ASAP1: variants seen among roughly 807,000 people sequenced by gnomAD.
The protein encoded by ASAP1 is arf-GAP with SH3 domain, ANK repeat and PH domain-containing protein 1.
A neutral mutation model predicts 145.2 loss-of-function variants in ASAP1; 43 were observed. That is an observed-to-expected ratio of 0.30 (90% confidence interval 0.23 to 0.38). ASAP1 has a LOEUF of 0.38. ASAP1 is among the 10% of genes least tolerant of loss of function. ASAP1 has a pLI of 1.00. For missense variants in ASAP1, 1,018 were observed against 1,355.3 expected (o/e 0.75, Z 3.91); for synonymous variants, 546 against 515.5 (o/e 1.06, Z -0.80).
At chr8:130,123,800 A>T (rs12550365) in intron 18 of ASAP1, among the ~76,000 whole-genome samples, 87,776 of 151,136 alleles carry the variant, frequency 0.58, 25,646 homozygotes, top group South Asian at 0.69. Context: ...GCTAATTTTT[A>T]AAAAATTTTT....
chr8:130,252,824 C>T lies in ASAP1; in HGVS notation c.187-15830G>A, dbSNP rs548375901. Among the ~76,000 whole-genome samples, 3 of 152,296 alleles carry T rather than the reference C, an allele frequency of 2.0e-5. No individual in the cohort carries two copies. The East Asian group carries it at 5.8e-4, about 29-fold the overall frequency. ...CAAAAAAATACTCATGAAAACACCA[C>T]TTCCATGTTACAACACAGTGAGAGT... On this transcript the variant is annotated intron_variant, in intron 3 of 29. Coordinates refer to ENST00000518721, the MANE Select transcript of ASAP1 (RefSeq NM_018482.4).
intron 2 of ASAP1, among the ~76,000 whole-genome samples, chr8:130,399,067 G>T (rs1828661188): frequency 2.0e-5 from 3 of 152,200 alleles, no homozygotes; most frequent in African/African-American, 7.2e-5. Context: ...AACAGGAGGT[G>T]CAACTTCCAG....
At chr8:130,286,516 ATTCCTGAG>A (rs1821623568) in intron 3 of ASAP1, among the ~76,000 whole-genome samples, 1 of 152,192 alleles carries the variant, frequency 6.6e-6, no homozygotes, top group Non-Finnish European at 1.5e-5. Context: ...GAAGGCCAGA[ATTCCTGAG>A]TTTCTAATCC....
intron 3 of ASAP1, among the ~76,000 whole-genome samples, chr8:130,276,724 ACACACT>A (rs1479914265): frequency 3.5e-3 from 355 of 102,514 alleles, no homozygotes; most frequent in African/African-American, 9.4e-3. Flanking sequence ...ACACACACAC[ACACACT>A]CTCTCTCTCT....
chr8:130,340,436 G>A (rs557158276), intron 3 of ASAP1, among the ~76,000 whole-genome samples: 3 of 152,304 alleles, frequency 2.0e-5, no homozygotes, highest in African/African-American at 7.2e-5. Flanking sequence ...GTTGGGTGTG[G>A]AACAAATCAC....
chr8:130,374,909 C>T (rs2138327495), intron 2 of ASAP1, among the ~76,000 whole-genome samples: 1 of 152,320 alleles, frequency 6.6e-6, no homozygotes, highest in South Asian at 2.1e-4. Flanking sequence ...TCCAAGACTA[C>T]CTCCAAGGTA....
chr8:130,422,484 A>G (rs1464712128), intron 1 of ASAP1, among the ~76,000 whole-genome samples: 1 of 152,102 alleles, frequency 6.6e-6, no homozygotes, highest in Admixed American at 6.6e-5. Context: ...CTTGTCTCTT[A>G]CACAGTGTAC....
intron 5 of ASAP1, among the ~76,000 whole-genome samples, chr8:130,207,937 G>C (rs777743892): frequency 2.0e-5 from 3 of 152,192 alleles, no homozygotes; most frequent in Non-Finnish European, 4.4e-5. Flanking sequence ...CTGCAGATCA[G>C]TTGGCTCAAA....
chr8:130,416,179 T>G (rs985884428), intron 1 of ASAP1, among the ~76,000 whole-genome samples: 4 of 152,130 alleles, frequency 2.6e-5, no homozygotes, highest in African/African-American at 9.7e-5. Flanking sequence ...GCCCCACTAG[T>G]GTCGCCAACT....
chr8:130,150,996 G>T (rs573024087), intron 13 of ASAP1, among the ~76,000 whole-genome samples: 35 of 152,140 alleles, frequency 2.3e-4, no homozygotes, highest in Non-Finnish European at 4.1e-4. Context: ...TTAAATATAA[G>T]AAAATAAAAA....
intron 3 of ASAP1, among the ~76,000 whole-genome samples, chr8:130,302,654 C>T (rs1285770106): frequency 2.6e-5 from 4 of 152,172 alleles, no homozygotes; most frequent in Non-Finnish European, 4.4e-5. Context: ...CCTGGAGAGA[C>T]ACCAGCTGAG....
At chr8:130,365,887 GA>G (rs1206090235) in intron 2 of ASAP1, among the ~76,000 whole-genome samples, 1 of 152,214 alleles carries the variant, frequency 6.6e-6, no homozygotes, top group Admixed American at 6.5e-5. Flanking sequence ...GAGAGATCCA[GA>G]AGAGAGTAAG....
chr8:130,078,815 G>C (rs2097470999), intron 26 of ASAP1, among the ~76,000 whole-genome samples: 1 of 151,970 alleles, frequency 6.6e-6, no homozygotes, highest in East Asian at 1.9e-4. Flanking sequence ...AACCACTCTG[G>C]GCCTCGCTCT....
At chr8:130,265,856 T>C (rs1282520549) in intron 3 of ASAP1, among the ~76,000 whole-genome samples, 1 of 152,148 alleles carries the variant, frequency 6.6e-6, no homozygotes, top group East Asian at 1.9e-4. Context: ...GTCTCAAGCC[T>C]GGGCGAAAGT....
chr8:130,206,980 T>C (rs1034740705), intron 5 of ASAP1, among the ~76,000 whole-genome samples: 1 of 152,180 alleles, frequency 6.6e-6, no homozygotes, highest in Admixed American at 6.5e-5. Context: ...GGTTTCCTTT[T>C]CATGGTTAAA....
At chr8:130,158,193 A>G (rs2097661687) in intron 12 of ASAP1, among the ~76,000 whole-genome samples, 1 of 152,060 alleles carries the variant, frequency 6.6e-6, no homozygotes, top group Non-Finnish European at 1.5e-5. Flanking sequence ...ATCAGAAAAC[A>G]AGGAGCTTTC....
intron 11 of ASAP1, among the ~76,000 whole-genome samples, chr8:130,163,782 A>G (rs913002352): frequency 6.6e-6 from 1 of 152,254 alleles, no homozygotes; most frequent in Admixed American, 6.5e-5. Context: ...TGTATTCAGG[A>G]AACAGAAAAA....
intron 15 of ASAP1, among the ~76,000 whole-genome samples, chr8:130,129,314 T>C (rs1338115760): frequency 1.3e-5 from 2 of 152,206 alleles, no homozygotes; most frequent in South Asian, 2.1e-4. Flanking sequence ...TTTAAATATA[T>C]GTATGTAATA....
chr8:130,342,609 T>A (rs1275371268), intron 3 of ASAP1, among the ~76,000 whole-genome samples: 1 of 151,898 alleles, frequency 6.6e-6, no homozygotes, highest in Admixed American at 6.6e-5. Flanking sequence ...GAAAGCACCA[T>A]CCTAAGAAAA....
Sources: gnomAD v4.1 joint callset for allele counts (sites outside exome capture counted in the v4.1 genomes callset) on GRCh38, gnomAD v4.1.1 for gene constraint, MANE v1.5 for transcripts, NCBI Gene and HGNC (gene_info 2026-07-23, HGNC 2026-07-21) for gene names.